ADGRL2: variants seen among roughly 807,000 people sequenced by gnomAD.
ADGRL2 encodes adhesion G protein-coupled receptor L2.
Under a neutral mutation model 157.4 loss-of-function variants are expected in ADGRL2, and 44 were observed. The ratio of observed to expected loss-of-function variants is 0.28; its 90% CI spans 0.22 to 0.36. The LOEUF is 0.36. Among genes scored for constraint, ADGRL2 ranks in the 10% least tolerant of loss-of-function variants. The pLI is 1.00. For missense variants in ADGRL2, 1,510 were observed against 1,768.9 expected, an observed-to-expected ratio of 0.85 and a Z score of 2.63; for synonymous variants, 585 against 624.7, an observed-to-expected ratio of 0.94 and a Z score of 0.95.
intron 2 of ADGRL2, among the ~76,000 whole-genome samples, chr1:81,838,352 T>C (rs2092389994): frequency 6.6e-6 from 1 of 152,082 alleles, no homozygotes; most frequent in Non-Finnish European, 1.5e-5. Context: ...AGTGTTCACT[T>C]GGATTTAAGT....
rs1553123709 is a variant in ADGRL2, at chr1:81,557,494, A to AAAG, written c.-247-23379_-247-23377dup. ...AGAAAGAAAGAAAGAAGAAAGAAAGAAAGAAAGAAAGAAAGAAAGAAAGAA... is the reference window on the plus strand; with the variant it reads ...AGAAAGAAAGAAAGAAGAAAGAAAGAAAGAAGAAAGAAAGAAAGAAAGAAAGAA... On this transcript the variant is annotated intron_variant, in intron 2 of 24. Coordinates refer to the ADGRL2 transcript ENST00000370721. 2.6e-4 allele frequency: 20 copies of AAAG among 75,862 alleles called. 1 individual carries two copies. The highest frequency in any genetic ancestry group is 9.3e-4 in the African/African-American group (13 of 13,952). 4.7% of individuals were successfully genotyped at this position (75,862 alleles called of 1,614,324 possible).
intron 3 of ADGRL2, among the ~76,000 whole-genome samples, chr1:81,665,793 T>C (rs2082739362): frequency 6.6e-6 from 1 of 152,152 alleles, no homozygotes; most frequent in East Asian, 1.9e-4. Flanking sequence ...AATTCCTTTA[T>C]GAACCTTCAG....
intron 1 of ADGRL2, among the ~76,000 whole-genome samples, chr1:81,310,308 T>A (rs988509650): frequency 5.3e-5 from 8 of 152,142 alleles, no homozygotes; most frequent in Non-Finnish European, 1.2e-4. Flanking sequence ...CTTTGAATTG[T>A]CTCCCACTTT....
chr1:81,314,111 C>T lies in ADGRL2; in HGVS notation c.-302+7602C>T, dbSNP rs568133161. ...ATTTCAGATATAGCAATCTGACAAC[C>T]CCCTGGTGTTAATCATGAAAGTACA... On this transcript the variant is annotated intron_variant, in intron 1 of 24. Coordinates refer to the ADGRL2 transcript ENST00000370721. Among the ~76,000 whole-genome samples, 15 of 152,206 alleles carry T rather than the reference C, an allele frequency of 9.9e-5. No homozygotes were observed. In the South Asian group the frequency reaches 3.1e-3, roughly 32 times the overall value.
intron 3 of ADGRL2, among the ~76,000 whole-genome samples, chr1:81,607,609 C>T (rs1482142477): frequency 6.6e-6 from 1 of 152,172 alleles, no homozygotes; most frequent in Admixed American, 6.6e-5. Context: ...GAAAGAACAC[C>T]TTTCCTTTGT....
intron 1 of ADGRL2, among the ~76,000 whole-genome samples, chr1:81,434,134 A>G (rs2077369627): frequency 6.6e-6 from 1 of 152,312 alleles, no homozygotes; most frequent in Non-Finnish European, 1.5e-5. Context: ...CTCAGATTCA[A>G]AGGGAGAGGA....
At position 81,842,375 on chromosome 1, in the gene ADGRL2, T is replaced by TTTAA. The variant is rs1380656471; in HGVS notation, c.73+5318_73+5319insTTAA. On this transcript the variant is annotated intron_variant, in intron 2 of 23. Coordinates refer to ENST00000686636, the MANE Select transcript of ADGRL2 (RefSeq NM_001366006.2). ...GCGCTTTTTTTTTTTTTTTTTTTTT[T>TTTAA]AAGATGGAGTCTCACTCTGTCTCCC... Among the ~76,000 whole-genome samples the TTTAA allele has an allele frequency of 1.7e-4, 24 of 139,330 alleles. 1 individual carries two copies. The highest frequency in any genetic ancestry group is 6.8e-4 in the African/African-American group (23 of 33,944). The allele number at this position is 139,330 out of a possible 152,430, so 91.4% of individuals were successfully genotyped here.
chr1:81,802,619 A>G (rs1441769933), intron 1 of ADGRL2, among the ~76,000 whole-genome samples: 3 of 151,944 alleles, frequency 2.0e-5, no homozygotes, highest in African/African-American at 7.3e-5. Flanking sequence ...CCGTCCTTTC[A>G]CTGGGGGCCT....
At chr1:81,386,740 C>A (rs771885328) in intron 1 of ADGRL2, among the ~76,000 whole-genome samples, 14 of 152,124 alleles carry the variant, frequency 9.2e-5, no homozygotes, top group South Asian at 2.1e-4. Flanking sequence ...CTCTTGCTGC[C>A]ATTCTCATGA....
At chr1:81,668,782 C>T (rs2082807388) in intron 3 of ADGRL2, among the ~76,000 whole-genome samples, 1 of 151,598 alleles carries the variant, frequency 6.6e-6, no homozygotes, top group Non-Finnish European at 1.5e-5. Flanking sequence ...GTTGGCCAGG[C>T]TGTTCTTGAA....
At chr1:81,645,524 T>G (rs1335736798) in intron 3 of ADGRL2, among the ~76,000 whole-genome samples, 1 of 152,134 alleles carries the variant, frequency 6.6e-6, no homozygotes, top group Non-Finnish European at 1.5e-5. Context: ...CCATCATCAT[T>G]ATCCAGTTTG....
At chr1:81,840,811 G>T (rs1436783274) in intron 2 of ADGRL2, among the ~76,000 whole-genome samples, 1 of 152,044 alleles carries the variant, frequency 6.6e-6, no homozygotes, top group Non-Finnish European at 1.5e-5. Context: ...AAAATATTTT[G>T]TAAATATTTC....
chr1:81,746,908 G>GTA (rs2085270270), intron 1 of ADGRL2, among the ~76,000 whole-genome samples: 1 of 141,890 alleles, frequency 7.0e-6, no homozygotes, highest in Admixed American at 6.9e-5. Context: ...ATATACACAC[G>GTA]TGCACACGTA....
chr1:81,913,704 T>C (rs1264981751), intron 3 of ADGRL2, among the ~76,000 whole-genome samples: 1 of 152,116 alleles, frequency 6.6e-6, no homozygotes, highest in African/African-American at 2.4e-5. Context: ...ACATGTATAT[T>C]CTCACTTTTA....
chr1:81,806,101 AGGTAGTTGG>A (rs1409579690), intron 1 of ADGRL2, among the ~76,000 whole-genome samples: 1 of 152,086 alleles, frequency 6.6e-6, no homozygotes, highest in Admixed American at 6.5e-5. Context: ...CTCTGGGAGC[AGGTAGTTGG>A]GGAAATCAGA....
intron 2 of ADGRL2, among the ~76,000 whole-genome samples, chr1:81,543,607 C>G (rs891429098): frequency 6.6e-6 from 1 of 152,216 alleles, no homozygotes; most frequent in Non-Finnish European, 1.5e-5. Flanking sequence ...CTGGAATTAA[C>G]ATCGCCTTTC....
chr1:81,366,649 T>G (rs1426330566), intron 1 of ADGRL2, among the ~76,000 whole-genome samples: 2 of 152,206 alleles, frequency 1.3e-5, no homozygotes, highest in Non-Finnish European at 2.9e-5. Flanking sequence ...GGCCAGAATT[T>G]CACATGTAAA....
At position 81,814,808 on chromosome 1, in the gene ADGRL2, G is replaced by A. The variant is rs529736810; in HGVS notation, c.-101+13740G>A. 2.2e-5 allele frequency among the ~76,000 whole-genome samples: 3 copies of A among 138,546 alleles called. No homozygotes were observed. The South Asian group carries it at 7.3e-4, about 34-fold the overall frequency. 90.9% of individuals were successfully genotyped at this position (138,546 alleles called of 152,430 possible). On this transcript the variant is annotated intron_variant, in intron 1 of 23. Coordinates refer to ENST00000686636, the MANE Select transcript of ADGRL2 (RefSeq NM_001366006.2). ...ATGTAGTAGATTTTGTGGTGTTCAG[G>A]TAATGTTGTTAATTCAAAGCTGTGC...
At chr1:81,720,763 C>A (rs2084281807) in intron 1 of ADGRL2, among the ~76,000 whole-genome samples, 2 of 151,844 alleles carry the variant, frequency 1.3e-5, no homozygotes, top group South Asian at 4.2e-4. Context: ...AACCACAAGT[C>A]ACTTTAAGCA....
Sources: allele counts gnomAD v4.1 joint callset (sites outside exome capture counted in the v4.1 genomes callset), GRCh38; gene constraint gnomAD v4.1.1; transcripts MANE v1.5; gene names NCBI Gene and HGNC (gene_info 2026-07-23, HGNC 2026-07-21).